Variants in TAF4B observed in about 807,000 individuals in gnomAD.
TAF4B encodes transcription initiation factor TFIID subunit 4B.
A neutral mutation model predicts 86.4 loss-of-function variants in TAF4B; 38 were observed. That is an observed-to-expected ratio of 0.44 (90% CI 0.34 to 0.58). TAF4B has a LOEUF of 0.58. TAF4B is among the 20% of genes least tolerant of loss of function. The pLI, the probability that TAF4B is intolerant of heterozygous loss-of-function variation, is 0.02. For missense variants in TAF4B, 988 were observed against 1,027.6 expected, an observed-to-expected ratio of 0.96 and a Z score of 0.53; for synonymous variants, 388 against 391.2, an observed-to-expected ratio of 0.99 and a Z score of 0.10.
At chr18:26,271,726 C>T (rs1345296827) in intron 3 of TAF4B, among the ~76,000 whole-genome samples, 2 of 151,994 alleles carry the variant, frequency 1.3e-5, no homozygotes, top group African/African-American at 4.8e-5. Context: ...GAGTTTGAGA[C>T]CAGCTTGGCC....
chr18:26,228,624 C>CA (rs11401538), intron 1 of TAF4B, among the ~76,000 whole-genome samples: 40,109 of 146,158 alleles, frequency 0.27, 5,676 homozygotes, highest in African/African-American at 0.37. Context: ...TATAAATAGT[C>CA]AAAAAAAAAA....
At chr18:26,308,239 A>C (rs1343300959) in intron 9 of TAF4B, among the ~76,000 whole-genome samples, 1 of 152,146 alleles carries the variant, frequency 6.6e-6, no homozygotes, top group Non-Finnish European at 1.5e-5. Flanking sequence ...GGGTGTCTTA[A>C]TAAAAAAGAG....
At chr18:26,265,407 T>C in intron 2 of TAF4B, 92 bp downstream of exon 2, 2 of 1,373,768 alleles carry the variant, frequency 1.5e-6, no homozygotes, top group South Asian at 1.7e-5. Flanking sequence ...TAAAAAATAA[T>C]GTAAGACATG....
intron 14 of TAF4B, among the ~76,000 whole-genome samples, chr18:26,387,914 G>A (rs1241228095): frequency 6.6e-6 from 1 of 152,180 alleles, no homozygotes; most frequent in East Asian, 1.9e-4. Context: ...CTGTGAACAT[G>A]CATGGAATTA....
chr18:26,269,964 G>A (rs971624971), intron 3 of TAF4B, among the ~76,000 whole-genome samples: 1 of 152,094 alleles, frequency 6.6e-6, no homozygotes, highest in African/African-American at 2.4e-5. Context: ...CCTATTGATA[G>A]CTACTATCAT....
intron 1 of TAF4B, among the ~76,000 whole-genome samples, chr18:26,229,627 C>T (rs918877780): frequency 2.0e-5 from 3 of 151,678 alleles, no homozygotes; most frequent in Admixed American, 6.6e-5. Flanking sequence ...CTCAGCCTCC[C>T]GAGTAGCTGG....
intron 1 of TAF4B, among the ~76,000 whole-genome samples, chr18:26,242,474 G>C (rs941321782): frequency 2.0e-5 from 3 of 152,104 alleles, no homozygotes; most frequent in Admixed American, 2.0e-4. Context: ...GAGCCTATGT[G>C]TGTCTCTGCA....
At chr18:26,241,352 A>G (rs2055835749) in intron 1 of TAF4B, among the ~76,000 whole-genome samples, 1 of 152,098 alleles carries the variant, frequency 6.6e-6, no homozygotes, top group African/African-American at 2.4e-5. Flanking sequence ...TTTCTTCTAG[A>G]TTTTTTAGTT....
intron 9 of TAF4B, 83 bp from the exon 10 acceptor site, chr18:26,315,131 TCTCTCTCTCTCTCTG>T: frequency 8.3e-6 from 3 of 361,852 alleles, no homozygotes; most frequent in Non-Finnish European, 1.3e-5. Context: ...TCTCTCTCTC[TCTCTCTCTCTCTCTG>T]TCTCTCTCTC....
chr18:26,318,838 A>T (rs2056935892), intron 10 of TAF4B, among the ~76,000 whole-genome samples: 1 of 152,248 alleles, frequency 6.6e-6, no homozygotes, highest in Non-Finnish European at 1.5e-5. Flanking sequence ...TTTAAAAGAT[A>T]TGTGTGTTTT....
chr18:26,281,797 A>G (rs1354731976), intron 5 of TAF4B, among the ~76,000 whole-genome samples, 174 bp from the exon 6 acceptor site: 3 of 152,328 alleles, frequency 2.0e-5, no homozygotes, highest in African/African-American at 7.2e-5. Context: ...ATGAATAAAC[A>G]TCTCTATCAT....
At chr18:26,380,188 G>A (rs1249820546) in intron 14 of TAF4B, among the ~76,000 whole-genome samples, 2 of 152,058 alleles carry the variant, frequency 1.3e-5, no homozygotes, top group Non-Finnish European at 2.9e-5. Context: ...CCATTACTAT[G>A]TTTAATAGAA....
chr18:26,266,454 G>A (rs1452052586), intron 2 of TAF4B, among the ~76,000 whole-genome samples: 2 of 152,106 alleles, frequency 1.3e-5, no homozygotes, highest in Non-Finnish European at 2.9e-5. Flanking sequence ...TTATCTTTAA[G>A]AAATACAGAA....
chr18:26,339,729 A>G (rs1199337998), intron 13 of TAF4B, among the ~76,000 whole-genome samples: 6 of 152,240 alleles, frequency 3.9e-5, no homozygotes, highest in African/African-American at 9.6e-5. Context: ...GATGTGTGTT[A>G]TGTGTCCTAG....
intron 12 of TAF4B, among the ~76,000 whole-genome samples, chr18:26,329,524 T>C (rs1287205532): frequency 2.0e-5 from 3 of 152,232 alleles, no homozygotes; most frequent in African/African-American, 7.2e-5. Flanking sequence ...ATTCAGGAAT[T>C]TGTATTTCAT....
At chr18:26,373,430 TC>T (rs2057420085) in intron 14 of TAF4B, among the ~76,000 whole-genome samples, 1 of 152,168 alleles carries the variant, frequency 6.6e-6, no homozygotes, top group Non-Finnish European at 1.5e-5. Flanking sequence ...TTCTTTTAGT[TC>T]CTGCCTTCCT....
At chr18:26,234,126 A>G (rs2055712547) in intron 1 of TAF4B, among the ~76,000 whole-genome samples, 1 of 142,852 alleles carries the variant, frequency 7.0e-6, no homozygotes, top group Non-Finnish European at 1.5e-5. Context: ...GAAAGTCCCC[A>G]TTCTGTTTCA....
chr18:26,335,105 A>G, intron 12 of TAF4B, 70 bp from the exon 13 acceptor site: 1 of 1,107,572 alleles, frequency 9.0e-7, no homozygotes, highest in Non-Finnish European at 1.3e-6. Context: ...GTCATTTATT[A>G]AATATTTAAT....
chr18:26,373,132 G>T (rs1161018858), intron 14 of TAF4B, among the ~76,000 whole-genome samples: 1 of 152,144 alleles, frequency 6.6e-6, no homozygotes, highest in Non-Finnish European at 1.5e-5. Context: ...AAGACAACTT[G>T]TGTCAGCCCC....
Sources: allele counts gnomAD v4.1 joint callset (sites outside exome capture counted in the v4.1 genomes callset), GRCh38; gene constraint gnomAD v4.1.1; transcripts MANE v1.5; gene names NCBI Gene and HGNC (gene_info 2026-07-23, HGNC 2026-07-21).